The following AGAP1 variants were observed in gnomAD, a reference collection of about 807,000 sequenced individuals.
The protein encoded by AGAP1 is arf-GAP with GTPase, ANK repeat and PH domain-containing protein 1.
AGAP1 carries 29 observed loss-of-function variants against 105.3 expected under a neutral mutation model. The observed-to-expected ratio is 0.28, with a 90% CI of 0.21 to 0.38. The LOEUF (loss-of-function observed/expected upper bound fraction) is 0.38, where lower values mean the gene tolerates loss of function less well. Ranked by LOEUF, AGAP1 falls within the 10% of genes least tolerant of loss-of-function variation. The pLI, the probability that AGAP1 is intolerant of heterozygous loss-of-function variation, is 1.00. For missense variants in AGAP1, 998 were observed against 1,165.1 expected, an observed-to-expected ratio of 0.86 and a Z score of 2.09; for synonymous variants, 509 against 485.9, an observed-to-expected ratio of 1.05 and a Z score of -0.63.
At position 235,744,973 on chromosome 2, in the gene AGAP1, TG is replaced by T; in HGVS notation, c.538+136del. On this transcript the variant is annotated intron_variant, in intron 5 of 17. Coordinates refer to ENST00000304032, the MANE Select transcript of AGAP1 (RefSeq NM_001037131.3). The surrounding 1 kb of genome is among the most constrained non-coding windows in gnomAD (Gnocchi z 5.2). ...ACGCTCACTTTTTTGGGAAAAATTATGGAACTGAAATGATCACATTTCCTGA... is the reference window on the plus strand; with the variant it reads ...ACGCTCACTTTTTTGGGAAAAATTATGAACTGAAATGATCACATTTCCTGA... 1 of 1,070,642 alleles carries T rather than the reference TG, an allele frequency of 9.3e-7. No homozygotes were observed. The highest frequency in any genetic ancestry group is 1.3e-6 in the Non-Finnish European group (1 of 760,628). 66.3% of individuals were successfully genotyped at this position (1,070,642 alleles called of 1,614,324 possible).
chr2:235,554,093 T>G (rs887166629), intron 1 of AGAP1, among the ~76,000 whole-genome samples: 7 of 152,208 alleles, frequency 4.6e-5, no homozygotes, highest in African/African-American at 1.7e-4. Flanking sequence ...GGGAAAGTGA[T>G]CTTCAAAAAT....
rs978280116 is a variant in AGAP1, at chr2:235,739,984, C to A, written c.311-979C>A. Among the ~76,000 whole-genome samples the A allele has an allele frequency of 6.6e-6, 1 of 152,210 alleles. No individual in the cohort carries two copies. Among genetic ancestry groups the A allele is most frequent in the Non-Finnish European group, 1.5e-5 (1 of 68,026 alleles). On this transcript the variant is annotated intron_variant, in intron 3 of 17. Transcript: ENST00000304032. This position sits in a 1 kb window ranked among gnomAD's most constrained non-coding sequence, Gnocchi z 5.3. ...ACAGGGTTTCTGGACGGCATCTGCA[C>A]AGAGGAGCGGAAGACAAGAGCTGGG...
chr2:235,679,419 A>G (rs1340705244), intron 1 of AGAP1, among the ~76,000 whole-genome samples: 3 of 152,218 alleles, frequency 2.0e-5, no homozygotes, highest in Non-Finnish European at 4.4e-5. Flanking sequence ...GTATAAGCCA[A>G]CCTTGTATTT....
At position 235,931,539 on chromosome 2, in the gene AGAP1, G is replaced by A. The variant is rs1214412780; in HGVS notation, c.1483+616G>A. Among the ~76,000 whole-genome samples, 1 of 152,038 alleles carries A rather than the reference G, an allele frequency of 6.6e-6. No individual in the cohort carries two copies. Among genetic ancestry groups the A allele is most frequent in the East Asian group, 1.9e-4 (1 of 5,160 alleles). ...GTCTGTGTGGAGCGTGAATGACGCAGCACCGAGGGCACCCTGGTGGCTGCA... is the reference window on the plus strand; with the variant it reads ...GTCTGTGTGGAGCGTGAATGACGCAACACCGAGGGCACCCTGGTGGCTGCA... On this transcript the variant is annotated intron_variant, in intron 12 of 17. Transcript: ENST00000304032. This position sits in a 1 kb window ranked among gnomAD's most constrained non-coding sequence, Gnocchi z 5.6.
At chr2:235,671,664 G>A (rs541522177) in intron 1 of AGAP1, among the ~76,000 whole-genome samples, 1 of 152,330 alleles carries the variant, frequency 6.6e-6, no homozygotes, top group Admixed American at 6.5e-5. Flanking sequence ...CCTGCCAGGT[G>A]GCATCTTAAT....
chr2:235,563,901 A>G (rs1272278111), intron 1 of AGAP1, among the ~76,000 whole-genome samples: 1 of 152,094 alleles, frequency 6.6e-6, no homozygotes, highest in Non-Finnish European at 1.5e-5. Flanking sequence ...CAGCAGGTTA[A>G]GAAGCTTGCT....
chr2:236,016,248 C>T (rs185714678), intron 13 of AGAP1, among the ~76,000 whole-genome samples: 31 of 152,076 alleles, frequency 2.0e-4, no homozygotes, highest in Non-Finnish European at 3.2e-4. Context: ...AGTTAAGAAA[C>T]GGTCATTCAT....
chr2:235,910,262 G>T (rs2051531617), intron 11 of AGAP1, among the ~76,000 whole-genome samples: 1 of 152,308 alleles, frequency 6.6e-6, no homozygotes, highest in Non-Finnish European at 1.5e-5. Flanking sequence ...ACATTGGGGT[G>T]CTCTTGCCTG....
At chr2:236,047,108 CAAA>C (rs144381784) in intron 15 of AGAP1, among the ~76,000 whole-genome samples, 1 of 151,770 alleles carries the variant, frequency 6.6e-6, no homozygotes, top group Non-Finnish European at 1.5e-5. Flanking sequence ...GACCCTATCT[CAAA>C]AAAAGAGTAG....
At chr2:235,804,546 G>A (rs1403496040) in intron 8 of AGAP1, among the ~76,000 whole-genome samples, 2 of 152,196 alleles carry the variant, frequency 1.3e-5, no homozygotes, top group Non-Finnish European at 2.9e-5. Flanking sequence ...GGGGGTAAAC[G>A]GGCTTCTCTT....
intron 10 of AGAP1, among the ~76,000 whole-genome samples, chr2:235,886,382 A>AG (rs1222974973): frequency 3.3e-5 from 5 of 152,248 alleles, no homozygotes; most frequent in Admixed American, 6.5e-5. Flanking sequence ...CTTCTTGCCA[A>AG]GGGGCAGATA....
At chr2:236,069,423 G>A (rs909785093) in intron 16 of AGAP1, among the ~76,000 whole-genome samples, 8 of 152,054 alleles carry the variant, frequency 5.3e-5, no homozygotes, top group African/African-American at 1.9e-4. Flanking sequence ...TATAAACAGT[G>A]CAACTTTGTT....
chr2:236,085,619 C>A (rs1293560560), intron 16 of AGAP1, among the ~76,000 whole-genome samples: 1 of 152,214 alleles, frequency 6.6e-6, no homozygotes, highest in Non-Finnish European at 1.5e-5. Flanking sequence ...TTCTCTCCTC[C>A]CCATCTCCAG....
intron 2 of AGAP1, among the ~76,000 whole-genome samples, chr2:235,713,831 G>A (rs1288933052): frequency 2.6e-5 from 4 of 152,182 alleles, no homozygotes; most frequent in African/African-American, 9.7e-5. Flanking sequence ...CAGATTTGAT[G>A]CCTGAGGACC....
chr2:235,865,337 G>A lies in AGAP1; in HGVS notation c.1051-18008G>A, dbSNP rs1272761316. Among the ~76,000 whole-genome samples the A allele has an allele frequency of 7.2e-5, 11 of 152,160 alleles. No individual in the cohort carries two copies. Among genetic ancestry groups the A allele is most frequent in the Non-Finnish European group, 1.6e-4 (11 of 68,040 alleles). ...CGGCTAATGACAGGAAGGTCGCGCGGGTGAGCTGACCTGTGTGTGGCGCAG... is the reference window on the plus strand; with the variant it reads ...CGGCTAATGACAGGAAGGTCGCGCGAGTGAGCTGACCTGTGTGTGGCGCAG... On this transcript the variant is annotated intron_variant, in intron 9 of 17. Transcript: ENST00000304032. The surrounding 1 kb of genome is among the most constrained non-coding windows in gnomAD (Gnocchi z 6.2).
In AGAP1 at chr2:235,734,065, A is replaced by G. The variant is rs1291470624; in HGVS notation, c.311-6898A>G. Among the ~76,000 whole-genome samples the G allele has an allele frequency of 6.6e-6, 1 of 152,208 alleles. No individual in the cohort carries two copies. On this transcript the variant is annotated intron_variant, in intron 3 of 17. Transcript: ENST00000304032. The surrounding 1 kb of genome is among the most constrained non-coding windows in gnomAD (Gnocchi z 5.3). The stretch of plus-strand genomic sequence containing the variant: ...CTTATTTTTTACAAATTTCTGGCGC[A>G]TTCATGATTGAAATTTTAAATATTC...
rs1956700682 is a variant in AGAP1 at position 235,787,239 on chromosome 2, T to C, written c.674-10520T>C. Among the ~76,000 whole-genome samples, 1 of 152,230 alleles carries C rather than the reference T, an allele frequency of 6.6e-6. No individual in the cohort carries two copies. Among genetic ancestry groups the C allele is most frequent in the Non-Finnish European group, 1.5e-5 (1 of 68,042 alleles). ...GCTTCCAAACCATGTGGGTTTCCTA[T>C]GTCATGAAAGCTTTTCTTCATCACG... On this transcript the variant is annotated intron_variant, in intron 6 of 17. Transcript: ENST00000304032. This position sits in a 1 kb window ranked among gnomAD's most constrained non-coding sequence, Gnocchi z 4.4.
In AGAP1 at chr2:235,963,108, G is replaced by A. The variant is rs1452591554; in HGVS notation, c.1484-5354G>A. Among the ~76,000 whole-genome samples the A allele has an allele frequency of 6.6e-6, 1 of 152,180 alleles. No individual in the cohort carries two copies. Among genetic ancestry groups the A allele is most frequent in the Non-Finnish European group, 1.5e-5 (1 of 68,034 alleles). On this transcript the variant is annotated intron_variant, in intron 12 of 17. Coordinates refer to ENST00000304032, the MANE Select transcript of AGAP1 (RefSeq NM_001037131.3). This position sits in a 1 kb window ranked among gnomAD's most constrained non-coding sequence, Gnocchi z 5.1. ...GGAAGGTGGGTGGTGGTATTTCCAA[G>A]TGCTGTCTCCTTCCCAAGACTGCCA...
At chr2:235,651,426 G>A (rs575107211) in intron 1 of AGAP1, among the ~76,000 whole-genome samples, 2 of 152,256 alleles carry the variant, frequency 1.3e-5, no homozygotes, top group Admixed American at 1.3e-4. Flanking sequence ...TATTTGCAGT[G>A]AATGTTGCAG....
Sources: gnomAD v4.1 joint callset for allele counts (sites outside exome capture counted in the v4.1 genomes callset) on GRCh38, gnomAD v4.1.1 for gene constraint, Gnocchi (gnomAD v3.1) non-coding constraint, MANE v1.5 for transcripts, NCBI Gene and HGNC (gene_info 2026-07-23, HGNC 2026-07-21) for gene names.